The following FOXJ2 variants were observed in gnomAD, a reference collection of about 807,000 sequenced individuals.
FOXJ2 encodes the protein forkhead box J2.
Under a neutral mutation model 68.4 loss-of-function variants are expected in FOXJ2, and 18 were observed. That is an observed-to-expected ratio of 0.26 (90% confidence interval 0.18 to 0.39). The LOEUF (loss-of-function observed/expected upper bound fraction) is 0.39, where lower values mean the gene tolerates loss of function less well. Among genes scored for constraint, FOXJ2 ranks in the 10% least tolerant of loss-of-function variants. The pLI is 1.00. For missense variants in FOXJ2, 670 were observed against 726.5 expected (o/e 0.92, Z 0.89); for synonymous variants, 274 against 263.2 (o/e 1.04, Z -0.40).
At chr12:8,049,340 T>C (rs1235171909) in intron 8 of FOXJ2, 22 bp from the exon 9 acceptor site, 1 of 1,590,406 alleles carries the variant, frequency 6.3e-7, no homozygotes, top group East Asian at 2.2e-5. Flanking sequence ...AAGGTTTGCA[T>C]TGCTTGCTTC....
rs919311519 is a variant in FOXJ2 at position 8,055,497 on chromosome 12, AAAAG to A, written c.*2650_*2653del. The A allele has an allele frequency of 2.7e-4, 41 of 152,760 alleles. No individual in the cohort carries two copies. The highest frequency in any genetic ancestry group is 3.8e-4 in the Non-Finnish European group (26 of 68,028). The allele number at this position is 152,760 out of a possible 1,614,324, so 9.5% of individuals were successfully genotyped here. A position where few individuals can be genotyped will look rare whatever the true frequency, so the allele number is the denominator to read the frequency against. On this transcript the variant is annotated 3_prime_UTR_variant, in exon 11 of 11. Transcript: ENST00000162391. ...TGCATGCTTTCTTAATAAAAAAAAAAAAAGAATGTTTACAGTTTTATCTTACTGG... is the reference window on the plus strand; with the variant it reads ...TGCATGCTTTCTTAATAAAAAAAAAAAATGTTTACAGTTTTATCTTACTGG...
chr12:8,041,761 C>T (rs1268577649), intron 2 of FOXJ2, among the ~76,000 whole-genome samples: 3 of 152,098 alleles, frequency 2.0e-5, no homozygotes, highest in African/African-American at 7.2e-5. Flanking sequence ...CTTCCCATCT[C>T]GGCCTCCCAA....
At chr12:8,052,721 C>A (rs1947142177) in intron 10 of FOXJ2, 41 bp from the exon 11 acceptor site, 1 of 1,527,812 alleles carries the variant, frequency 6.5e-7, no homozygotes, top group Non-Finnish European at 8.9e-7. Context: ...GAACAGCTTC[C>A]CATCCACTCT....
At position 8,035,074 on chromosome 12, in the gene FOXJ2, A is replaced by C. The variant is rs1946879503; in HGVS notation, c.-15+1241A>C. Among the ~76,000 whole-genome samples the C allele has an allele frequency of 6.6e-6, 1 of 152,190 alleles. No individual in the cohort carries two copies. The highest frequency in any genetic ancestry group is 1.5e-5 in the Non-Finnish European group (1 of 68,038). On this transcript the variant is annotated intron_variant, in intron 1 of 10. Coordinates refer to ENST00000162391, the MANE Select transcript of FOXJ2 (RefSeq NM_018416.3). The surrounding 1 kb of genome is among the most constrained non-coding windows in gnomAD (Gnocchi z 4.0). ...GAGGTCTACCTAAATTCCTGAGTAC[A>C]GTCATTTGTCCTGGAAGCTACTGGT...
chr12:8,048,266 C>A lies in FOXJ2; in HGVS notation c.1202C>A (p.Ala401Asp). ...PPPQPQAQGQ[A>D]PINNTGFAFP... ...CCACAGCCACAGGCACAAGGCCAGG[C>A]TCCCATCAACAACACTGGCTTTGGT... Residue 401 changes from alanine to aspartate, a missense_variant, in exon 7 of 11, where the codon GCT (alanine) becomes GAT (aspartate). Ala to Asp is a moderately radical substitution (Grantham distance 126). Transcript: ENST00000162391. 1 of 1,579,110 alleles carries A rather than the reference C, an allele frequency of 6.3e-7. No homozygotes were observed. Among genetic ancestry groups the A allele is most frequent in the Non-Finnish European group, 8.6e-7 (1 of 1,162,614 alleles).
rs1019607483 is a variant in FOXJ2, at chr12:8,032,852, A to C, written c.-996A>C. 4.0e-5 allele frequency: 16 copies of C among 398,040 alleles called. No homozygotes were observed. The highest frequency in any genetic ancestry group is 6.2e-5 in the Non-Finnish European group (14 of 225,830). The allele number at this position is 398,040 out of a possible 1,614,324, so 24.7% of individuals were successfully genotyped here. The stretch of plus-strand genomic sequence containing the variant: ...GAGCCCCACGCGCCGAAGGGAGCGG[A>C]CCCGACAGGACGGCCCTAGAGGAGG... On this transcript the variant is annotated 5_prime_UTR_variant, in exon 1 of 11. Coordinates refer to ENST00000162391, the MANE Select transcript of FOXJ2 (RefSeq NM_018416.3). The surrounding 1 kb of genome is among the most constrained non-coding windows in gnomAD (Gnocchi z 4.8).
In FOXJ2 at chr12:8,047,933, A is replaced by G; in HGVS notation, c.869A>G (p.Tyr290Cys). The G allele has an allele frequency of 6.2e-7, 1 of 1,612,750 alleles. No homozygotes were observed. Among genetic ancestry groups the G allele is most frequent in the East Asian group, 2.2e-5 (1 of 44,880 alleles). ...DIPPSNNYYMYQQQQPPPPQQ... is the reference protein window; with the variant it reads ...DIPPSNNYYMCQQQQPPPPQQ... Reference sequence around the variant, plus strand: ...CCACCCTCGAACAACTACTACATGTATCAGCAGCAGCAGCCACCGCCACCT... The same window carrying G: ...CCACCCTCGAACAACTACTACATGTGTCAGCAGCAGCAGCCACCGCCACCT... Residue 290 changes from tyrosine (Y) to cysteine (C), a missense_variant, in exon 7 of 11, where the codon TAT (tyrosine) becomes TGT (cysteine). This residue lies in a region of FOXJ2 where 555 missense variants were observed against 562.2 expected (regional missense o/e 0.99). Transcript: ENST00000162391.
At chr12:8,050,855 T>TCCCGTCCCTTC (rs1352249033) in intron 10 of FOXJ2, among the ~76,000 whole-genome samples, 1 of 59,054 alleles carries the variant, frequency 1.7e-5, no homozygotes, top group Non-Finnish European at 3.2e-5. Context: ...CCCTTCCCCT[T>TCCCGTCCCTTC]CCCTTCCCTT....
At chr12:8,050,261 C>A (rs975189211) in intron 9 of FOXJ2, 2 of 1,124,262 alleles carry the variant, frequency 1.8e-6, no homozygotes, top group Non-Finnish European at 2.2e-6. Flanking sequence ...CAGGCATGAG[C>A]CACCATACCT....
intron 9 of FOXJ2, 40 bp from the exon 10 acceptor site, chr12:8,050,482 G>GC (rs751587948): frequency 4.7e-4 from 752 of 1,591,044 alleles, no homozygotes; most frequent in Admixed American, 7.7e-4. Context: ...ACAGTGACCC[G>GC]CCCCCCCCAA....
rs1947158032 is a variant in FOXJ2, at chr12:8,054,067, A to G, written c.*1217A>G. On this transcript the variant is annotated 3_prime_UTR_variant, in exon 11 of 11. Transcript: ENST00000162391. ...CAAAGAAATGGATAGGGAATATTTT[A>G]GTTCTTTAAATATATAGGCAGATGC... 6.6e-6 allele frequency: 1 copy of G among 152,186 alleles called. No individual in the cohort carries two copies. The highest frequency in any genetic ancestry group is 1.5e-5 in the Non-Finnish European group (1 of 68,026). The allele number at this position is 152,186 out of a possible 1,614,324, so 9.4% of individuals were successfully genotyped here.
chr12:8,045,638 C>G (rs1947026855), intron 6 of FOXJ2, among the ~76,000 whole-genome samples: 1 of 151,950 alleles, frequency 6.6e-6, no homozygotes. Flanking sequence ...AGGCGTGAGC[C>G]ACCGTGCCCG....
intron 6 of FOXJ2, among the ~76,000 whole-genome samples, chr12:8,046,532 A>G (rs1653366119): frequency 6.6e-6 from 1 of 152,196 alleles, no homozygotes; most frequent in African/African-American, 2.4e-5. Flanking sequence ...TTCCTAACAT[A>G]ATTGATAATA....
At chr12:8,039,322 G>T (rs1283746326) in intron 1 of FOXJ2, among the ~76,000 whole-genome samples, 1 of 152,044 alleles carries the variant, frequency 6.6e-6, no homozygotes, top group Non-Finnish European at 1.5e-5. Context: ...AGACGTGTTG[G>T]TGTGTGCTTC....
chr12:8,047,404 G>A (rs1035261419), intron 6 of FOXJ2, among the ~76,000 whole-genome samples: 6 of 151,998 alleles, frequency 3.9e-5, no homozygotes, highest in Admixed American at 1.3e-4. Context: ...AGCCGAGATC[G>A]CACCATTGCA....
Position 8,053,644 on chromosome 12 carries a change from A to G in FOXJ2, c.*794A>G, listed in dbSNP as rs1348370825. 6.6e-6 allele frequency: 1 copy of G among 152,258 alleles called. No homozygotes were observed. Among genetic ancestry groups the G allele is most frequent in the Non-Finnish European group, 1.5e-5 (1 of 68,048 alleles). 9.4% of individuals were successfully genotyped at this position (152,258 alleles called of 1,614,324 possible). A position where few individuals can be genotyped will look rare whatever the true frequency, so the allele number is the denominator to read the frequency against. ...TCTCTAAGAAGATAGGATTGGTTTT[A>G]GCCCAAACTCTGCTTCTATGGTAGG... On this transcript the variant is annotated 3_prime_UTR_variant, in exon 11 of 11. Transcript: ENST00000162391. This position sits in a 1 kb window ranked among gnomAD's most constrained non-coding sequence, Gnocchi z 4.1.
chr12:8,051,787 G>A (rs1947129283), intron 10 of FOXJ2, among the ~76,000 whole-genome samples: 1 of 152,154 alleles, frequency 6.6e-6, no homozygotes, highest in Admixed American at 6.6e-5. Flanking sequence ...TTTTGGGGGT[G>A]ACATCTGACT....
In FOXJ2 at chr12:8,042,690, G is replaced by A; in HGVS notation, c.366G>A (p.Lys122=). ...TACGGCACAACCTTTCTCTCAACAA[G>A]TGTTTCCGGAAGGTGCCCAGACCTC... ...NSIRHNLSLN[K]CFRKVPRPRD... is the part of the protein sequence containing the mutation. Residue 122 remains lysine (K), a synonymous_variant, in exon 3 of 11, where the codon AAG becomes AAA. Transcript: ENST00000162391. 6.2e-7 allele frequency: 1 copy of A among 1,614,168 alleles called. No homozygotes were observed. Among genetic ancestry groups the A allele is most frequent in the Non-Finnish European group, 8.5e-7 (1 of 1,180,028 alleles).
At chr12:8,044,713 T>C (rs1182700360) in intron 5 of FOXJ2, 47 bp from the exon 6 acceptor site, 2 of 1,604,574 alleles carry the variant, frequency 1.2e-6, no homozygotes, top group Non-Finnish European at 1.7e-6. Context: ...GTTTTATTGG[T>C]CCCTCAGCTG....
Sources: gnomAD v4.1 joint callset for allele counts (sites outside exome capture counted in the v4.1 genomes callset) on GRCh38, gnomAD v4.1.1 for gene constraint, gnomAD v4.1.1 regional missense constraint, Gnocchi (gnomAD v3.1) non-coding constraint, MANE v1.5 for transcripts, NCBI Gene and HGNC (gene_info 2026-07-23, HGNC 2026-07-21) for gene names.